The following PSG2 variants were observed in gnomAD, a reference collection of about 807,000 sequenced individuals.
The protein encoded by PSG2 is pregnancy specific beta-1-glycoprotein 2, also known as pregnancy-specific beta-1-glycoprotein 2.
PSG2 carries 49 observed loss-of-function variants against 36.2 expected under a neutral mutation model. That is an observed-to-expected ratio of 1.35 (90% CI 1.08 to 1.72). The LOEUF is 1.72. Among genes scored for constraint, PSG2 ranks in the 40% most tolerant of loss-of-function variants. PSG2 has a pLI of 0.00. For synonymous variants in PSG2, 261 were observed against 155.6 expected, an observed-to-expected ratio of 1.68 and a Z score of -5.04; for missense variants, 605 against 407.2, an observed-to-expected ratio of 1.49 and a Z score of -4.18.
In PSG2 at chr19:43,075,507, T is replaced by A. The variant is rs763236805; in HGVS notation, c.556A>T (p.Ser186Cys). The A allele has an allele frequency of 1.1e-5, 18 of 1,613,100 alleles. No homozygotes were observed. The highest frequency in any genetic ancestry group is 7.7e-5 in the South Asian group (7 of 91,042). The part of the protein sequence containing the change: ...TSYQWWMNGQ[S>C]LPMTHRFQLS... ...TGAAACCTATGAGTCATAGGGAGGCTCTGACCATTCATCCACCACTGGTAG... is the reference window on the plus strand; with the variant it reads ...TGAAACCTATGAGTCATAGGGAGGCACTGACCATTCATCCACCACTGGTAG... Residue 186 changes from serine (S) to cysteine (C), a missense_variant, in exon 3 of 6, where the codon AGC becomes TGC. Coordinates refer to ENST00000406487, the MANE Select transcript of PSG2 (RefSeq NM_031246.4).
Position 43,072,671 on chromosome 19 carries a change from T to C in PSG2, c.710-717A>G, listed in dbSNP as rs909121998. 1.2e-4 allele frequency: 197 copies of C among 1,603,882 alleles called. 2 individuals carry two copies. The highest frequency in any genetic ancestry group is 1.6e-4 in the Non-Finnish European group (192 of 1,174,750). On this transcript the variant is annotated intron_variant, in intron 3 of 5. Transcript: ENST00000406487. ...GAGAAGATTGTCCTGTGTGGCACTT[T>C]TGATTCCTCCACAGGCATCCTTCAA...
intron 5 of PSG2, 149 bp downstream of exon 5, chr19:43,066,368 G>T (rs1464621353): frequency 1.5e-6 from 1 of 651,452 alleles, no homozygotes; most frequent in Non-Finnish European, 2.8e-6. Flanking sequence ...CAGGGAGAAA[G>T]GGAACTGCAG....
intron 2 of PSG2, among the ~76,000 whole-genome samples, chr19:43,078,859 T>C (rs1967932830): frequency 6.6e-6 from 1 of 151,670 alleles, no homozygotes; most frequent in Non-Finnish European, 1.5e-5. Flanking sequence ...AGGGACTTCC[T>C]ATCCCTGTCC....
chr19:43,069,535 G>A (rs1440417445), intron 4 of PSG2, among the ~76,000 whole-genome samples: 4 of 151,632 alleles, frequency 2.6e-5, no homozygotes, highest in African/African-American at 9.7e-5. Context: ...AAGTATAATA[G>A]CCCAGAAAGA....
rs559055518 is a variant in PSG2, at chr19:43,064,491, G to A, written c.*151C>T. 41 of 552,942 alleles carry A rather than the reference G, an allele frequency of 7.4e-5. No homozygotes were observed. The highest frequency in any genetic ancestry group is 2.7e-4 in the Middle Eastern group (1 of 3,722). 34.3% of individuals were successfully genotyped at this position (552,942 alleles called of 1,614,324 possible). A position where few individuals can be genotyped will look rare whatever the true frequency, so the allele number is the denominator to read the frequency against. On this transcript the variant is annotated 3_prime_UTR_variant, in exon 6 of 6. Transcript: ENST00000406487. ...CTTCTTTGTCTTGAATTTCATGAAG[G>A]TATCAGCCTGTTCATTAAAATTTTG... is the stretch of plus-strand genomic sequence containing the variant.
At chr19:43,072,005 T>C (rs1370232605) in intron 3 of PSG2, 51 bp from the exon 4 acceptor site, 1 of 1,594,072 alleles carries the variant, frequency 6.3e-7, no homozygotes, top group African/African-American at 1.4e-5. Context: ...GGGAAGGGGA[T>C]GCTCCTGGTC....
At position 43,082,563 on chromosome 19, in the gene PSG2, G is replaced by A. The variant is rs531879725; in HGVS notation, c.7C>T (p.Pro3Ser). MG[P>S]LSAPPCTEHI... Reference sequence around the variant, plus strand: ...TCTGTGCAGGGAGGGGCTGAGAGGGGCCCCATGGTCTCTGCTGCCTGTGTG... The same window carrying A: ...TCTGTGCAGGGAGGGGCTGAGAGGGACCCCATGGTCTCTGCTGCCTGTGTG... The change falls in exon 1 of 6, where the codon CCC (proline) becomes TCC (serine). Residue 3 changes from proline (P) to serine (S), a missense_variant. By Grantham distance (74) the Pro-to-Ser change is moderately conservative. Coordinates refer to ENST00000406487, the MANE Select transcript of PSG2 (RefSeq NM_031246.4). 14 of 1,611,816 alleles carry A rather than the reference G, an allele frequency of 8.7e-6. No homozygotes were observed. The highest frequency in any genetic ancestry group is 1.0e-5 in the Non-Finnish European group (12 of 1,179,032).
At position 43,082,640 on chromosome 19, in the gene PSG2, G is replaced by C; in HGVS notation, c.-71C>G. 3 of 1,583,764 alleles carry C rather than the reference G, an allele frequency of 1.9e-6. No individual in the cohort carries two copies. Among genetic ancestry groups the C allele is most frequent in the East Asian group, 2.2e-5 (1 of 44,486 alleles). On this transcript the variant is annotated 5_prime_UTR_variant, in exon 1 of 6. Coordinates refer to ENST00000406487, the MANE Select transcript of PSG2 (RefSeq NM_031246.4). ...ATCCAGAAACTTCCTGAGCACGGCT[G>C]TCAGCTGTGCTGTCCTTCCTCCTTC...
chr19:43,072,535 G>T, intron 3 of PSG2: 1 of 1,611,282 alleles, frequency 6.2e-7, no homozygotes. Context: ...TGTAGGTGTA[G>T]CTCTCACTCT....
In PSG2 at chr19:43,070,660, C is replaced by A. The variant is rs74259598; in HGVS notation, c.964+1040G>T. Among the ~76,000 whole-genome samples the A allele has an allele frequency of 1.7e-4, 26 of 151,556 alleles. No individual in the cohort carries two copies. In the East Asian group the frequency reaches 5.0e-3, roughly 29 times the overall value. On this transcript the variant is annotated intron_variant, in intron 4 of 5. Transcript: ENST00000406487. ...GTTAGAATAGCCAGTTACATAGAGA[C>A]AGAAATTAGAATGGTGGGTGCTAAG...
Position 43,066,249 on chromosome 19 carries a change from G to A in PSG2, c.*40+268C>T, listed in dbSNP as rs927100809. On this transcript the variant is annotated intron_variant, in intron 5 of 5. Transcript: ENST00000406487. ...TGAGAGATGTTAAAAATAATGAAGA[G>A]GGTTTCACCATGTGAAATTGTGTTT... Among the ~76,000 whole-genome samples the A allele has an allele frequency of 9.9e-5, 15 of 151,730 alleles. No individual in the cohort carries two copies. The South Asian group carries it at 1.0e-3, about 11-fold the overall frequency.
At chr19:43,064,749 GAA>G (rs1967717094) in intron 5 of PSG2, 148 bp from the exon 6 acceptor site, 2 of 316,584 alleles carry the variant, frequency 6.3e-6, no homozygotes, top group East Asian at 1.3e-4. Flanking sequence ...AGCTCACATA[GAA>G]ATCTAGTTAC....
At chr19:43,076,931 C>T (rs935929376) in intron 2 of PSG2, among the ~76,000 whole-genome samples, 2 of 145,298 alleles carry the variant, frequency 1.4e-5, no homozygotes, top group Non-Finnish European at 3.0e-5. Context: ...TTTAGCATCA[C>T]ATCAGTGGTC....
chr19:43,080,804 G>C (rs1290755794), intron 2 of PSG2, 77 bp downstream of exon 2: 2 of 1,611,238 alleles, frequency 1.2e-6, no homozygotes, highest in East Asian at 2.2e-5. Flanking sequence ...GCACAGTCTA[G>C]GCCTGACAAT....
intron 3 of PSG2, 124 bp from the exon 4 acceptor site, chr19:43,072,078 T>G: frequency 6.9e-7 from 1 of 1,440,220 alleles, no homozygotes; most frequent in East Asian, 2.3e-5. Context: ...CAAAACCCCC[T>G]CTATGTTCAC....
At chr19:43,071,259 A>G (rs1967811877) in intron 4 of PSG2, among the ~76,000 whole-genome samples, 1 of 151,542 alleles carries the variant, frequency 6.6e-6, no homozygotes, top group Non-Finnish European at 1.5e-5. Context: ...TCCCTCACCC[A>G]AGGGGCTTCC....
intron 2 of PSG2, among the ~76,000 whole-genome samples, chr19:43,078,686 A>G (rs1471267519): frequency 6.6e-6 from 1 of 151,612 alleles, no homozygotes; most frequent in Non-Finnish European, 1.5e-5. Context: ...GCCCTGATCC[A>G]CTGGGGAGGC....
intron 1 of PSG2, chr19:43,081,656 G>T (rs1967977697): frequency 5.0e-6 from 1 of 198,160 alleles, no homozygotes; most frequent in Non-Finnish European, 1.0e-5. Context: ...GCTCCCTAAA[G>T]GGTTCTTGTT....
rs551945980 is a variant in PSG2 at position 43,079,505 on chromosome 19, G to T, written c.430+1376C>A. ...TTCATTCCATTCCTTCATTTGTTAT[G>T]TGAGAGCTCCTGAGTGTGTGTGTCT... On this transcript the variant is annotated intron_variant, in intron 2 of 5. Coordinates refer to ENST00000406487, the MANE Select transcript of PSG2 (RefSeq NM_031246.4). Among the ~76,000 whole-genome samples the T allele has an allele frequency of 1.0e-3, 150 of 150,244 alleles. 4 individuals carry two copies. Among genetic ancestry groups the T allele is most frequent in the African/African-American group, 3.7e-3 (146 of 39,660 alleles).
Sources: allele counts gnomAD v4.1 joint callset (sites outside exome capture counted in the v4.1 genomes callset), GRCh38; gene constraint gnomAD v4.1.1; transcripts MANE v1.5; gene names NCBI Gene and HGNC (gene_info 2026-07-23, HGNC 2026-07-21).